Variants in HPSE2 observed in about 807,000 individuals in gnomAD.
HPSE2 encodes inactive heparanase-2.
In HPSE2, 38 loss-of-function variants were observed where a neutral mutation model predicts 60.5. The ratio of observed to expected loss-of-function variants is 0.63; its 90% CI spans 0.48 to 0.82. The LOEUF (loss-of-function observed/expected upper bound fraction) is 0.82, where lower values mean the gene tolerates loss of function less well. HPSE2 is among the 40% of genes least tolerant of loss of function. The pLI is 0.00. For synonymous variants in HPSE2, 295 were observed against 293.2 expected, an observed-to-expected ratio of 1.01 and a Z score of -0.06; for missense variants, 713 against 740.4, an observed-to-expected ratio of 0.96 and a Z score of 0.43.
At chr10:98,765,563 G>A (rs1049912587) in intron 3 of HPSE2, among the ~76,000 whole-genome samples, 1 of 152,182 alleles carries the variant, frequency 6.6e-6, no homozygotes, top group Non-Finnish European at 1.5e-5. Flanking sequence ...GAAGAGGCCA[G>A]GCATGGTGGC....
chr10:98,620,823 C>G, intron 7 of HPSE2, 115 bp from the exon 8 acceptor site: 1 of 789,408 alleles, frequency 1.3e-6, no homozygotes, highest in East Asian at 2.7e-5. Context: ...TTCAGGGGGT[C>G]ATGATTTGTG....
intron 3 of HPSE2, among the ~76,000 whole-genome samples, chr10:98,860,816 A>G (rs12769406): frequency 0.05 from 7,542 of 152,284 alleles, 256 homozygotes; most frequent in Non-Finnish European, 0.075. Context: ...GTTCAAAATA[A>G]TTGTATTTAT....
chr10:98,710,292 TACTC>T (rs1485871598), intron 5 of HPSE2, among the ~76,000 whole-genome samples: 2 of 152,162 alleles, frequency 1.3e-5, no homozygotes, highest in African/African-American at 2.4e-5. Context: ...CTTTCTCCTT[TACTC>T]ACTCCTTGCC....
At chr10:99,035,454 T>C (rs914985597) in intron 3 of HPSE2, among the ~76,000 whole-genome samples, 2 of 152,240 alleles carry the variant, frequency 1.3e-5, no homozygotes. Context: ...TCTTCTGGAA[T>C]ACCTTCTGGA....
intron 3 of HPSE2, among the ~76,000 whole-genome samples, chr10:98,749,947 T>TATATATATATATACATACAC: frequency 1.0e-5 from 1 of 98,484 alleles, no homozygotes; most frequent in African/African-American, 3.3e-5. Context: ...TATATATATA[T>TATATATATATATACATACAC]ACACACACAC....
intron 3 of HPSE2, among the ~76,000 whole-genome samples, chr10:98,822,095 C>G (rs961080534): frequency 2.0e-5 from 3 of 152,128 alleles, no homozygotes; most frequent in African/African-American, 4.8e-5. Flanking sequence ...AATGACATAT[C>G]AGATGACTAA....
At chr10:98,614,536 C>T (rs1945847930) in intron 9 of HPSE2, among the ~76,000 whole-genome samples, 1 of 152,190 alleles carries the variant, frequency 6.6e-6, no homozygotes, top group Non-Finnish European at 1.5e-5. Context: ...TCGTGATCCA[C>T]CCGCCTTGGC....
intron 9 of HPSE2, among the ~76,000 whole-genome samples, chr10:98,613,947 G>C (rs1165401047): frequency 6.6e-6 from 1 of 152,154 alleles, no homozygotes; most frequent in Non-Finnish European, 1.5e-5. Flanking sequence ...TCTCTGATTG[G>C]CCAATAAGGT....
At chr10:99,093,455 A>G (rs2902259) in intron 3 of HPSE2, among the ~76,000 whole-genome samples, 74,670 of 151,982 alleles carry the variant, frequency 0.49, 20,799 homozygotes, top group East Asian at 0.65. Flanking sequence ...ACTGTTTTGC[A>G]CTCCCATGAC....
intron 9 of HPSE2, among the ~76,000 whole-genome samples, chr10:98,559,364 A>T (rs1944105613): frequency 6.6e-6 from 1 of 152,022 alleles, no homozygotes. Context: ...CTGAGTCCCC[A>T]GGATAGAGCT....
the HPSE2 span, among the ~76,000 whole-genome samples, chr10:99,289,977 C>T: frequency 1.3e-5 from 2 of 151,998 alleles, no homozygotes; most frequent in African/African-American, 4.8e-5. Context: ...ATCTAATATG[C>T]TAAAGAAGAA....
Position 99,235,726 on chromosome 10 carries a change from G to A in HPSE2, c.77C>T (p.Ala26Val). The A allele has an allele frequency of 1.2e-6, 2 of 1,614,006 alleles. No homozygotes were observed. Among genetic ancestry groups the A allele is most frequent in the Non-Finnish European group, 1.7e-6 (2 of 1,179,988 alleles). ...SRPPACLAPG[A>V]LYLALLLHLS... ...ATGGAGCAACAGAGCCAAGTAGAGAGCCCCCGGGGCTAGGCACGCGGGGGG... is the reference window on the plus strand; with the variant it reads ...ATGGAGCAACAGAGCCAAGTAGAGAACCCCCGGGGCTAGGCACGCGGGGGG... Residue 26 changes from alanine to valine, a missense_variant, in exon 1 of 12, where the codon GCT becomes GTT. Coordinates refer to ENST00000370552, the MANE Select transcript of HPSE2 (RefSeq NM_021828.5).
intron 3 of HPSE2, among the ~76,000 whole-genome samples, chr10:99,016,341 G>A (rs897379365): frequency 6.6e-6 from 1 of 152,130 alleles, no homozygotes; most frequent in Non-Finnish European, 1.5e-5. Context: ...TCAGACAGTT[G>A]TAGGTGTGTG....
chr10:98,694,816 A>G (rs1029093370), intron 5 of HPSE2, among the ~76,000 whole-genome samples: 15 of 152,192 alleles, frequency 9.9e-5, no homozygotes, highest in African/African-American at 3.4e-4. Context: ...TAGTTGAGGG[A>G]GTCATTACCC....
chr10:99,250,138 A>T, the HPSE2 span, among the ~76,000 whole-genome samples: 16 of 60,060 alleles, frequency 2.7e-4, no homozygotes, highest in Non-Finnish European at 5.1e-4. Flanking sequence ...GCAAAACTCC[A>T]TCTCAAAAAA....
intron 3 of HPSE2, among the ~76,000 whole-genome samples, chr10:98,767,497 GTA>G (rs1435892971): frequency 6.7e-6 from 1 of 148,178 alleles, no homozygotes; most frequent in African/African-American, 2.5e-5. Flanking sequence ...ATATATACAT[GTA>G]TATGTTATGC....
intron 3 of HPSE2, among the ~76,000 whole-genome samples, chr10:98,917,195 TTGAAAA>T (rs1954143620): frequency 1.3e-5 from 2 of 152,244 alleles, no homozygotes; most frequent in Admixed American, 6.5e-5. Flanking sequence ...TATTAGTCTG[TTGAAAA>T]TGGGAAGAAT....
At chr10:98,734,190 A>G (rs549786796) in intron 4 of HPSE2, among the ~76,000 whole-genome samples, 63 of 152,244 alleles carry the variant, frequency 4.1e-4, no homozygotes, top group African/African-American at 1.5e-3. Context: ...TCAGTACTTC[A>G]TTTTGCAGCA....
In HPSE2 at chr10:98,459,277, G is replaced by A. The variant is rs985613686; in HGVS notation, c.*297C>T. 3.6e-5 allele frequency: 15 copies of A among 415,514 alleles called. No individual in the cohort carries two copies. The highest frequency in any genetic ancestry group is 7.4e-4 in the Middle Eastern group (1 of 1,346). The allele number at this position is 415,514 out of a possible 1,614,324, so 25.7% of individuals were successfully genotyped here. A position where few individuals can be genotyped will look rare whatever the true frequency, so the allele number is the denominator to read the frequency against. On this transcript the variant is annotated 3_prime_UTR_variant, in exon 12 of 12. Transcript: ENST00000370552. ...CTGGAAACATTTCTCCTGGGAGTGTGCTGTCAGCTCGTTTTCATAGTGCAC... is the reference window on the plus strand; with the variant it reads ...CTGGAAACATTTCTCCTGGGAGTGTACTGTCAGCTCGTTTTCATAGTGCAC...
Sources: gnomAD v4.1 joint callset for allele counts (sites outside exome capture counted in the v4.1 genomes callset) on GRCh38, gnomAD v4.1.1 for gene constraint, MANE v1.5 for transcripts, NCBI Gene and HGNC (gene_info 2026-07-23, HGNC 2026-07-21) for gene names.